The following GLMN variants were observed in gnomAD, a reference collection of about 807,000 sequenced individuals.
GLMN encodes glomulin.
A neutral mutation model predicts 87.8 loss-of-function variants in GLMN; 75 were observed. The observed-to-expected ratio is 0.85, with a 90% CI of 0.71 to 1.04. The LOEUF is 1.04. Ranked by LOEUF, GLMN falls within the 50% of genes least tolerant of loss-of-function variation. GLMN has a pLI of 0.00. For synonymous variants in GLMN, 206 were observed against 221.6 expected (o/e 0.93, Z 0.63); for missense variants, 588 against 658.8 (o/e 0.89, Z 1.18).
At chr1:92,364,614 A>G in the GLMN span, among the ~76,000 whole-genome samples, 2 of 152,116 alleles carry the variant, frequency 1.3e-5, no homozygotes, top group Admixed American at 6.6e-5. Context: ...TGGCATTGGT[A>G]TCCTCCTAAT....
At chr1:92,306,314 C>G in the GLMN span, among the ~76,000 whole-genome samples, 1 of 152,094 alleles carries the variant, frequency 6.6e-6, no homozygotes, top group Non-Finnish European at 1.5e-5. Context: ...TGTGAAGGTA[C>G]TTAATACCAC....
At chr1:92,354,538 A>G in the GLMN span, among the ~76,000 whole-genome samples, 1 of 152,224 alleles carries the variant, frequency 6.6e-6, no homozygotes, top group Admixed American at 6.5e-5. Flanking sequence ...TTTCTTTTGA[A>G]TTAGAAATAT....
chr1:92,290,487 G>A (rs1290975432), intron 4 of GLMN, among the ~76,000 whole-genome samples, 181 bp from the exon 5 acceptor site: 1 of 152,148 alleles, frequency 6.6e-6, no homozygotes, highest in East Asian at 1.9e-4. Flanking sequence ...ATCTGTGATG[G>A]TCAAGTAACT....
chr1:92,262,944 A>G lies in GLMN; in HGVS notation c.1410-18T>C, dbSNP rs1414973368. The G allele has an allele frequency of 2.1e-6, 2 of 936,724 alleles. No homozygotes were observed. The highest frequency in any genetic ancestry group is 4.9e-5 in the East Asian group (2 of 40,696). 58.0% of individuals were successfully genotyped at this position (936,724 alleles called of 1,614,324 possible). ...CCATAATCCTGTTAATTAAAAATAT[A>G]TGTTACTTACAGTATGGTTTTATAT... On this transcript the variant is annotated intron_variant, in intron 15 of 18. Coordinates refer to ENST00000370360, the MANE Select transcript of GLMN (RefSeq NM_053274.3).
At chr1:92,303,964 C>T (rs914069721), upstream of GLMN, 3 of 1,550,620 alleles carry the variant, frequency 1.9e-6, no homozygotes, top group African/African-American at 4.1e-5. Context: ...ATAACCCTCT[C>T]ATTTCATTTT....
intron 3 of GLMN, among the ~76,000 whole-genome samples, chr1:92,294,551 A>T (rs1226271433): frequency 6.6e-6 from 1 of 152,244 alleles, no homozygotes; most frequent in Non-Finnish European, 1.5e-5. Flanking sequence ...GTCTCTCACA[A>T]AGCAGTAAAT....
the GLMN span, among the ~76,000 whole-genome samples, chr1:92,358,477 C>G: frequency 6.6e-6 from 1 of 152,162 alleles, no homozygotes; most frequent in African/African-American, 2.4e-5. Flanking sequence ...ACACTATATA[C>G]TTTTCTTTCT....
intron 16 of GLMN, among the ~76,000 whole-genome samples, chr1:92,249,154 C>G (rs1219540865): frequency 6.6e-6 from 1 of 151,326 alleles, no homozygotes; most frequent in African/African-American, 2.4e-5. Flanking sequence ...CAGTGTGATT[C>G]TTTTAGTATG....
At chr1:92,302,663 G>A (rs1446777983), upstream of GLMN, among the ~76,000 whole-genome samples, 2 of 137,638 alleles carry the variant, frequency 1.5e-5, no homozygotes, top group African/African-American at 2.7e-5. Context: ...GTGCAGTGGC[G>A]GGATCTCTGC....
Position 92,261,968 on chromosome 1 carries a change from T to TA in GLMN, c.1473+894dup, listed in dbSNP as rs1335895178. Among the ~76,000 whole-genome samples, 109 of 150,750 alleles carry TA rather than the reference T, an allele frequency of 7.2e-4. 1 individual carries two copies. Among genetic ancestry groups the TA allele is most frequent in the South Asian group, 6.3e-3 (30 of 4,750 alleles). ...TTTGAAAAGTTTCACAACAAAATGT[T>TA]AAAAAAAAATAGCACCTGATACAGA... On this transcript the variant is annotated intron_variant, in intron 16 of 18. Transcript: ENST00000370360.
the GLMN span, chr1:92,324,156 A>G: frequency 1.2e-6 from 2 of 1,614,136 alleles, no homozygotes; most frequent in Middle Eastern, 1.6e-4. Flanking sequence ...AAGATGACAT[A>G]ATCTCAGATC....
chr1:92,299,229 T>A, upstream of GLMN: 1 of 819,318 alleles, frequency 1.2e-6, no homozygotes, highest in Non-Finnish European at 1.8e-6. Flanking sequence ...GCGCGGGCGC[T>A]CCTGAAAGGC....
chr1:92,258,117 C>T (rs1654495458), intron 16 of GLMN, among the ~76,000 whole-genome samples: 1 of 152,002 alleles, frequency 6.6e-6, no homozygotes, highest in South Asian at 2.1e-4. Flanking sequence ...AGACACTTCT[C>T]AAAAGAAGAT....
At chr1:92,323,570 G>A in the GLMN span, 1 of 1,614,042 alleles carries the variant, frequency 6.2e-7, no homozygotes, top group Non-Finnish European at 8.5e-7. Flanking sequence ...GATAGTAGCA[G>A]TGACAATGAG....
intron 3 of GLMN, 127 bp downstream of exon 3, chr1:92,297,277 T>C: frequency 7.6e-7 from 1 of 1,308,114 alleles, no homozygotes; most frequent in Non-Finnish European, 1.1e-6. Context: ...CTTTTTTTGT[T>C]TTCAGTTCCC....
At chr1:92,280,764 A>G (rs1647934528) in intron 7 of GLMN, among the ~76,000 whole-genome samples, 1 of 152,230 alleles carries the variant, frequency 6.6e-6, no homozygotes, top group Admixed American at 6.5e-5. Flanking sequence ...AGTGTAGAGA[A>G]GCACTTAAAT....
At chr1:92,260,374 G>C (rs962471202) in intron 16 of GLMN, among the ~76,000 whole-genome samples, 1 of 152,128 alleles carries the variant, frequency 6.6e-6, no homozygotes, top group African/African-American at 2.4e-5. Context: ...CCAGCACTTT[G>C]GGAGGCTGAG....
chr1:92,299,931 T>C (rs1371930553), upstream of GLMN, among the ~76,000 whole-genome samples: 1 of 152,192 alleles, frequency 6.6e-6, no homozygotes, highest in Non-Finnish European at 1.5e-5. Flanking sequence ...TTCATCCTTG[T>C]GTGACCATCA....
chr1:92,345,746 G>T, the GLMN span: 1 of 689,112 alleles, frequency 1.5e-6, no homozygotes. Context: ...AAAAAAAAGT[G>T]CTTCTTTGGC....
Sources: allele counts gnomAD v4.1 joint callset (sites outside exome capture counted in the v4.1 genomes callset), GRCh38; gene constraint gnomAD v4.1.1; transcripts MANE v1.5; gene names NCBI Gene and HGNC (gene_info 2026-07-23, HGNC 2026-07-21).